The following ABLIM2 variants were observed in gnomAD, a reference collection of about 807,000 sequenced individuals.
ABLIM2 encodes the protein actin-binding LIM protein 2.
Under a neutral mutation model 97.7 loss-of-function variants are expected in ABLIM2, and 53 were observed. The ratio of observed to expected loss-of-function variants is 0.54; its 90% CI spans 0.44 to 0.68. ABLIM2 has a LOEUF of 0.68. ABLIM2 is among the 30% of genes least tolerant of loss of function. The pLI is 0.00. For missense variants in ABLIM2, 835 were observed against 867.2 expected (o/e 0.96, Z 0.47); for synonymous variants, 361 against 345.8 (o/e 1.04, Z -0.49).
chr4:8,005,201 C>A lies in ABLIM2; in HGVS notation c.1618+2858G>T. 1 of 438,086 alleles carries A rather than the reference C, an allele frequency of 2.3e-6. No individual in the cohort carries two copies. Among genetic ancestry groups the A allele is most frequent in the East Asian group, 6.0e-5 (1 of 16,556 alleles). 27.1% of individuals were successfully genotyped at this position (438,086 alleles called of 1,614,324 possible). A position where few individuals can be genotyped will look rare whatever the true frequency, so the allele number is the denominator to read the frequency against. Reference sequence around the variant, plus strand: ...GCGGCGGGATGCGTGTGCGCTCGCTCTGTCGGCGTCTCTGCCTCTCTCAGC... The same window carrying A: ...GCGGCGGGATGCGTGTGCGCTCGCTATGTCGGCGTCTCTGCCTCTCTCAGC... On this transcript the variant is annotated intron_variant, in intron 16 of 20. Coordinates refer to ENST00000447017, the MANE Select transcript of ABLIM2 (RefSeq NM_001130083.2). The surrounding 1 kb of genome is among the most constrained non-coding windows in gnomAD (Gnocchi z 4.9).
At chr4:8,151,212 C>T (rs1433384472) in intron 1 of ABLIM2, among the ~76,000 whole-genome samples, 2 of 152,188 alleles carry the variant, frequency 1.3e-5, no homozygotes, top group East Asian at 1.9e-4. Context: ...CCCAGACTGG[C>T]CCCCTCACAT....
chr4:7,970,905 C>A lies in ABLIM2; in HGVS notation c.1825-3802G>T, dbSNP rs185876223. Among the ~76,000 whole-genome samples the A allele has an allele frequency of 6.6e-6, 1 of 152,094 alleles. No homozygotes were observed. The highest frequency in any genetic ancestry group is 2.4e-5 in the African/African-American group (1 of 41,516). ...GGCCTACAGGGCCCAGGACTTGGGG[C>A]CAGGGGTCTAGGGGGCTGACAGGGA... On this transcript the variant is annotated intron_variant, in intron 20 of 20. Transcript: ENST00000447017. This position sits in a 1 kb window ranked among gnomAD's most constrained non-coding sequence, Gnocchi z 5.3.
chr4:8,106,363 G>T (rs1285651522), intron 2 of ABLIM2, 131 bp downstream of exon 2: 2 of 1,272,976 alleles, frequency 1.6e-6, no homozygotes, highest in Non-Finnish European at 2.2e-6. Flanking sequence ...CTCCTCTGAA[G>T]ATTCTGTATC....
chr4:8,081,441 C>G (rs1410718252), intron 4 of ABLIM2, among the ~76,000 whole-genome samples: 3 of 152,214 alleles, frequency 2.0e-5, no homozygotes, highest in African/African-American at 7.2e-5. Flanking sequence ...TTTGGCCCTG[C>G]CCTGAGCCAG....
chr4:8,088,133 C>A, intron 4 of ABLIM2, 36 bp downstream of exon 4: 1 of 1,217,904 alleles, frequency 8.2e-7, no homozygotes, highest in Non-Finnish European at 1.1e-6. Flanking sequence ...CTCAGCATGC[C>A]CCCACTCAAC....
intron 15 of ABLIM2, among the ~76,000 whole-genome samples, chr4:8,008,584 C>T (rs1361837343): frequency 1.3e-5 from 2 of 152,236 alleles, no homozygotes; most frequent in Admixed American, 6.5e-5. Flanking sequence ...CAGCCTGCAG[C>T]CTCCTTTTGT....
At position 8,019,603 on chromosome 4, in the gene ABLIM2, G is replaced by A. The variant is rs1772057528; in HGVS notation, c.1423+15C>T. On this transcript the variant is annotated intron_variant, in intron 14 of 20. Coordinates refer to ENST00000447017, the MANE Select transcript of ABLIM2 (RefSeq NM_001130083.2). The surrounding 1 kb of genome is among the most constrained non-coding windows in gnomAD (Gnocchi z 4.3). ...TGCGGGGCAAACCACAGCAGCGGGAGGAATCCAACCGTACCATGCTGTCTG... is the reference window on the plus strand; with the variant it reads ...TGCGGGGCAAACCACAGCAGCGGGAAGAATCCAACCGTACCATGCTGTCTG... The A allele has an allele frequency of 3.1e-6, 5 of 1,606,182 alleles. No individual in the cohort carries two copies. The East Asian group carries it at 9.0e-5, about 29-fold the overall frequency.
At chr4:8,077,583 A>T in intron 6 of ABLIM2, 45 bp downstream of exon 6, 1 of 1,521,096 alleles carries the variant, frequency 6.6e-7, no homozygotes, top group Non-Finnish European at 9.0e-7. Flanking sequence ...GGGGGCAGTT[A>T]GGCCCTAGCT....
chr4:8,094,364 A>C (rs1167316136), intron 3 of ABLIM2, among the ~76,000 whole-genome samples: 2 of 152,220 alleles, frequency 1.3e-5, no homozygotes, highest in Non-Finnish European at 2.9e-5. Context: ...GAAGGTCTTT[A>C]TTCAGCCAGG....
chr4:8,062,768 C>T (rs547041588), intron 6 of ABLIM2, among the ~76,000 whole-genome samples: 4 of 152,098 alleles, frequency 2.6e-5, no homozygotes, highest in Non-Finnish European at 5.9e-5. Flanking sequence ...AAGTGTAAAT[C>T]AGAGATTGAG....
chr4:8,092,712 C>T (rs1014481219), intron 3 of ABLIM2, among the ~76,000 whole-genome samples: 1 of 152,200 alleles, frequency 6.6e-6, no homozygotes, highest in East Asian at 1.9e-4. Context: ...GGAAAAAGCA[C>T]AGCTCACAAG....
chr4:8,071,764 C>T lies in ABLIM2; in HGVS notation c.675+5864G>A. On this transcript the variant is annotated intron_variant, in intron 6 of 20. Coordinates refer to ENST00000447017, the MANE Select transcript of ABLIM2 (RefSeq NM_001130083.2). The surrounding 1 kb of genome is among the most constrained non-coding windows in gnomAD (Gnocchi z 6.2). ...CCCCTTGGAGTTGCGGGCCAGGTTT[C>T]CTACCTGCACAGCTTCTGGGCACCA... 1.0e-6 allele frequency: 1 copy of T among 980,972 alleles called. No individual in the cohort carries two copies. The highest frequency in any genetic ancestry group is 1.2e-6 in the Non-Finnish European group (1 of 828,708). 60.8% of individuals were successfully genotyped at this position (980,972 alleles called of 1,614,324 possible).
chr4:8,006,967 A>C, intron 16 of ABLIM2: 1 of 936,696 alleles, frequency 1.1e-6, no homozygotes, highest in Non-Finnish European at 1.3e-6. Flanking sequence ...AGGCGGGGGC[A>C]GAGGCCTGAG....
At chr4:7,989,160 C>T (rs565017951) in intron 17 of ABLIM2, among the ~76,000 whole-genome samples, 2 of 146,772 alleles carry the variant, frequency 1.4e-5, no homozygotes, top group South Asian at 4.3e-4. Context: ...CAGCTCACTG[C>T]AACCTCTGCC....
intron 14 of ABLIM2, chr4:8,010,502 C>T: frequency 1.0e-6 from 1 of 985,960 alleles, no homozygotes; most frequent in Non-Finnish European, 1.2e-6. Context: ...AAGGACAAGA[C>T]TGATACCAGG....
At position 8,130,973 on chromosome 4, in the gene ABLIM2, C is replaced by T. The variant is rs1849275362; in HGVS notation, c.11-24336G>A. 6.6e-6 allele frequency among the ~76,000 whole-genome samples: 1 copy of T among 152,126 alleles called. No homozygotes were observed. The highest frequency in any genetic ancestry group is 2.4e-5 in the African/African-American group (1 of 41,408). On this transcript the variant is annotated intron_variant, in intron 1 of 20. Transcript: ENST00000447017. The surrounding 1 kb of genome is among the most constrained non-coding windows in gnomAD (Gnocchi z 4.2). ...GGGAGGCTGCCGTTACCTCGCCCTG[C>T]TCTTGGGGCAGCCTGCATTTCCTGG...
At chr4:8,107,223 G>C (rs1367438849) in intron 1 of ABLIM2, among the ~76,000 whole-genome samples, 1 of 152,250 alleles carries the variant, frequency 6.6e-6, no homozygotes, top group African/African-American at 2.4e-5. Flanking sequence ...GACATTTAAG[G>C]AGTGGATGGA....
rs1232320332 is a variant in ABLIM2 at position 8,046,249 on chromosome 4, C to T, written c.823-1008G>A. ...CCTCTCCCCCCACCTCAGCCCCCTC[C>T]AGCCCTGCGGACACACTCCTTCTGT... On this transcript the variant is annotated intron_variant, in intron 8 of 20. Coordinates refer to ENST00000447017, the MANE Select transcript of ABLIM2 (RefSeq NM_001130083.2). The surrounding 1 kb of genome is among the most constrained non-coding windows in gnomAD (Gnocchi z 4.4). 6.6e-6 allele frequency among the ~76,000 whole-genome samples: 1 copy of T among 152,154 alleles called. No individual in the cohort carries two copies. Among genetic ancestry groups the T allele is most frequent in the East Asian group, 1.9e-4 (1 of 5,186 alleles).
intron 1 of ABLIM2, among the ~76,000 whole-genome samples, chr4:8,139,888 T>C (rs1850704478): frequency 6.6e-6 from 1 of 152,088 alleles, no homozygotes; most frequent in African/African-American, 2.4e-5. Flanking sequence ...AAAGAAAATG[T>C]AGCACATATA....
Sources: allele counts gnomAD v4.1 joint callset (sites outside exome capture counted in the v4.1 genomes callset), GRCh38; gene constraint gnomAD v4.1.1; non-coding constraint Gnocchi (gnomAD v3.1); transcripts MANE v1.5; gene names NCBI Gene and HGNC (gene_info 2026-07-23, HGNC 2026-07-21).